Variants in HMG20B observed in about 807,000 individuals in gnomAD.
HMG20B encodes SWI/SNF-related matrix-associated actin-dependent regulator of chromatin subfamily E member 1-related.
In HMG20B, 24 loss-of-function variants were observed where a neutral mutation model predicts 41.6. The observed-to-expected ratio is 0.58, with a 90% confidence interval of 0.42 to 0.81. The LOEUF is 0.81. Among genes scored for constraint, HMG20B ranks in the 30% least tolerant of loss-of-function variants. The pLI is 0.00. For missense variants in HMG20B, 461 were observed against 444.0 expected (o/e 1.04, Z -0.34); for synonymous variants, 251 against 186.6 (o/e 1.34, Z -2.81).
rs960782813 is a variant in HMG20B, at chr19:3,578,699, C to A, written c.*178C>A. 4.2e-5 allele frequency: 37 copies of A among 870,892 alleles called. No homozygotes were observed. Among genetic ancestry groups the A allele is most frequent in the African/African-American group, 1.2e-4 (7 of 60,440 alleles). The allele number at this position is 870,892 out of a possible 1,614,324, so 53.9% of individuals were successfully genotyped here. A position where few individuals can be genotyped will look rare whatever the true frequency, so the allele number is the denominator to read the frequency against. On this transcript the variant is annotated 3_prime_UTR_variant, in exon 10 of 10. Transcript: ENST00000333651. ...GCATCCCTTTAGCTTTCAATCTCCC[C>A]AGCCCCCTGAACCCGGAAAAAGCAC...
In HMG20B at chr19:3,574,599, G is replaced by A. The variant is rs778379034; in HGVS notation, c.351+13G>A. On this transcript the variant is annotated intron_variant, in intron 4 of 9. Coordinates refer to ENST00000333651, the MANE Select transcript of HMG20B (RefSeq NM_006339.3). ...AACGGAAAAGCAGGTGGGCGGGGCG[G>A]GGCGCCGAGCAGGGCTGGCGGGGTC... The A allele has an allele frequency of 6.3e-7, 1 of 1,579,208 alleles. No individual in the cohort carries two copies. The highest frequency in any genetic ancestry group is 1.8e-5 in the Admixed American group (1 of 55,456).
rs755963930 is a variant in HMG20B, at chr19:3,578,125, G to GCGAGGCGGGGCGGGGCCGGGGTT, written c.941+14_941+36dup. 6.2e-7 allele frequency: 1 copy of GCGAGGCGGGGCGGGGCCGGGGTT among 1,608,078 alleles called. No individual in the cohort carries two copies. The highest frequency in any genetic ancestry group is 8.5e-7 in the Non-Finnish European group (1 of 1,178,188). ...GCCCAGGTCGCCAGGTGTGTGCCGGGCGAGGCGGGGCGGGGCCGGGGTTCA... is the reference window on the plus strand; with the variant it reads ...GCCCAGGTCGCCAGGTGTGTGCCGGGCGAGGCGGGGCGGGGCCGGGGTTCGAGGCGGGGCGGGGCCGGGGTTCA... On this transcript the variant is annotated intron_variant, in intron 9 of 9. Transcript: ENST00000333651.
At chr19:3,578,234 C>G (rs764218979) in intron 9 of HMG20B, 121 bp downstream of exon 9, 2 of 1,388,030 alleles carry the variant, frequency 1.4e-6, no homozygotes, top group Admixed American at 2.3e-5. Context: ...AGATCACCTC[C>G]CGGAGGGGCC....
At chr19:3,576,143 C>A in intron 5 of HMG20B, 118 bp from the exon 6 acceptor site, 1 of 846,800 alleles carries the variant, frequency 1.2e-6, no homozygotes, top group Non-Finnish European at 2.0e-6. Flanking sequence ...TGGGGGATGC[C>A]CAGACGCGGG....
At chr19:3,574,006 A>G (rs960007619) in intron 3 of HMG20B, 1 of 695,412 alleles carries the variant, frequency 1.4e-6, no homozygotes, top group African/African-American at 1.8e-5. Flanking sequence ...GCACAATGCC[A>G]GCTCTGCCCA....
In HMG20B at chr19:3,573,843, GC is replaced by G. The variant is rs1282045326; in HGVS notation, c.147+47del. 3 of 1,509,662 alleles carry G rather than the reference GC, an allele frequency of 2.0e-6. No homozygotes were observed. The East Asian group carries it at 7.1e-5, about 36-fold the overall frequency. The allele number at this position is 1,509,662 out of a possible 1,614,324, so 93.5% of individuals were successfully genotyped here. A position where few individuals can be genotyped will look rare whatever the true frequency, so the allele number is the denominator to read the frequency against. ...GAGCTGGGGGAGGCCCCGGGCTCCC[GC>G]CCCAGCCTCGAAGCCCCGCCCCAGG... On this transcript the variant is annotated intron_variant, in intron 3 of 9. Coordinates refer to ENST00000333651, the MANE Select transcript of HMG20B (RefSeq NM_006339.3).
chr19:3,576,570 C>T lies in HMG20B; in HGVS notation c.537C>T (p.Gly179=), dbSNP rs533910430. The T allele has an allele frequency of 3.1e-6, 5 of 1,613,476 alleles. No individual in the cohort carries two copies. The East Asian group carries it at 1.1e-4, about 36-fold the overall frequency. Residue 179 remains glycine (G), a synonymous_variant, in exon 7 of 10, where the codon GGC becomes GGT. Coordinates refer to ENST00000333651, the MANE Select transcript of HMG20B (RefSeq NM_006339.3). The part of the protein sequence containing the change: ...LNGHKGGDCD[G]FSTFDVPIFT... Reference sequence around the variant, plus strand: ...CGTCTTAGGGTGGGGACTGCGATGGCTTCTCCACCTTCGATGTTCCCATCT... The same window carrying T: ...CGTCTTAGGGTGGGGACTGCGATGGTTTCTCCACCTTCGATGTTCCCATCT...
chr19:3,577,547 C>T (rs1400741819), intron 8 of HMG20B, among the ~76,000 whole-genome samples: 5 of 144,296 alleles, frequency 3.5e-5, no homozygotes, highest in Non-Finnish European at 7.6e-5. Context: ...CCCCGACCAG[C>T]CTGAGCACTG....
intron 4 of HMG20B, among the ~76,000 whole-genome samples, chr19:3,575,299 T>C (rs1170770812): frequency 1.3e-5 from 2 of 152,096 alleles, no homozygotes; most frequent in African/African-American, 4.8e-5. Context: ...CCCATGACTC[T>C]GGCGTCCGGG....
At chr19:3,578,444 C>T (rs2145260103) in intron 9 of HMG20B, 65 bp from the exon 10 acceptor site, 1 of 1,461,844 alleles carries the variant, frequency 6.8e-7, no homozygotes, top group African/African-American at 1.4e-5. Context: ...CTGGGGTTCC[C>T]CAGGGCCGGG....
chr19:3,579,005 G>A lies in HMG20B; in HGVS notation c.*484G>A, dbSNP rs1274479317. 2.0e-5 allele frequency: 7 copies of A among 352,648 alleles called. No individual in the cohort carries two copies. The highest frequency in any genetic ancestry group is 3.9e-5 in the Non-Finnish European group (7 of 177,334). 21.8% of individuals were successfully genotyped at this position (352,648 alleles called of 1,614,324 possible). On this transcript the variant is annotated 3_prime_UTR_variant, in exon 10 of 10. Coordinates refer to ENST00000333651, the MANE Select transcript of HMG20B (RefSeq NM_006339.3). The surrounding 1 kb of genome is among the most constrained non-coding windows in gnomAD (Gnocchi z 7.4). ...GCCCATCCTGCTCTCCTCCAGCCGAGGGACCCTGGTGGGGGTGGCTCCTTC... is the reference window on the plus strand; with the variant it reads ...GCCCATCCTGCTCTCCTCCAGCCGAAGGACCCTGGTGGGGGTGGCTCCTTC...
At chr19:3,575,093 C>G (rs923340909) in intron 4 of HMG20B, among the ~76,000 whole-genome samples, 2 of 152,162 alleles carry the variant, frequency 1.3e-5, no homozygotes, top group African/African-American at 2.4e-5. Flanking sequence ...AAAGATATGT[C>G]TAAGAAGTCA....
In HMG20B at chr19:3,578,816, C is replaced by A; in HGVS notation, c.*295C>A. The A allele has an allele frequency of 1.4e-6, 1 of 699,006 alleles. No individual in the cohort carries two copies. Among genetic ancestry groups the A allele is most frequent in the East Asian group, 2.8e-5 (1 of 36,362 alleles). 43.3% of individuals were successfully genotyped at this position (699,006 alleles called of 1,614,324 possible). On this transcript the variant is annotated 3_prime_UTR_variant, in exon 10 of 10. Coordinates refer to ENST00000333651, the MANE Select transcript of HMG20B (RefSeq NM_006339.3). ...GCTACACTGGCTCTCCGGGCCACCC[C>A]CAGGACACAGGGCAGACGAAACCCA...
rs760352048 is a variant in HMG20B, at chr19:3,573,779, G to A, written c.126G>A (p.Glu42=). The change falls in exon 3 of 10, where the codon GAG becomes GAA. Residue 42 remains glutamate, a synonymous_variant. Transcript: ENST00000333651. ...GCGGCGAGGGTCCACGCGCGGGCGA[G>A]AAGGGGTCCCACGAGGAGGAGGTGA... ...QERGEGPRAG[E]KGSHEEEPVK... 7 of 1,579,380 alleles carry A rather than the reference G, an allele frequency of 4.4e-6. No homozygotes were observed. Among genetic ancestry groups the A allele is most frequent in the East Asian group, 2.3e-5 (1 of 43,086 alleles).
intron 6 of HMG20B, 89 bp from the exon 7 acceptor site, chr19:3,576,464 C>A: frequency 1.4e-6 from 2 of 1,388,894 alleles, no homozygotes; most frequent in Non-Finnish European, 2.0e-6. Context: ...CCGGGGTGTC[C>A]CAGGAGACCC....
chr19:3,573,659 G>T, intron 2 of HMG20B, 33 bp from the exon 3 acceptor site: 1 of 1,465,378 alleles, frequency 6.8e-7, no homozygotes. Context: ...GAGATTCTTG[G>T]GACGGGGCTG....
rs1017028851 is a variant in HMG20B, at chr19:3,577,064, G to T, written c.765G>T (p.Val255=). ...TLALQQQLQA[V]RQALTASFAS... ...CGCTGCAGCAGCAGCTCCAGGCCGT[G>T]CGCCAGGCGCTCACCGCCAGCTTCG... The change falls in exon 8 of 10, where the codon GTG becomes GTT. Residue 255 remains valine (V), a synonymous_variant. Coordinates refer to ENST00000333651, the MANE Select transcript of HMG20B (RefSeq NM_006339.3). The T allele has an allele frequency of 5.2e-6, 8 of 1,543,260 alleles. No individual in the cohort carries two copies. In the African/African-American group the frequency reaches 1.1e-4, roughly 21 times the overall value.
Position 3,578,734 on chromosome 19 carries a change from G to A in HMG20B, c.*213G>A, listed in dbSNP as rs774795570. Reference sequence around the variant, plus strand: ...AACCCGGAAAAAGCACTCGCTGCGCGATACACCCAGAAGAACCTCACAGCC... The same window carrying A: ...AACCCGGAAAAAGCACTCGCTGCGCAATACACCCAGAAGAACCTCACAGCC... On this transcript the variant is annotated 3_prime_UTR_variant, in exon 10 of 10. Coordinates refer to ENST00000333651, the MANE Select transcript of HMG20B (RefSeq NM_006339.3). 67 of 773,772 alleles carry A rather than the reference G, an allele frequency of 8.7e-5. 2 individuals are homozygous for A. The South Asian group carries it at 9.2e-4, about 11-fold the overall frequency. 47.9% of individuals were successfully genotyped at this position (773,772 alleles called of 1,614,324 possible). A position where few individuals can be genotyped will look rare whatever the true frequency, so the allele number is the denominator to read the frequency against.
chr19:3,573,446 TC>T, intron 2 of HMG20B, 99 bp downstream of exon 2: 1 of 1,280,824 alleles, frequency 7.8e-7, no homozygotes, highest in Non-Finnish European at 1.0e-6. Context: ...GAGTCTTGAC[TC>T]CCCCACCTGG....
Sources: gnomAD v4.1 joint callset for allele counts (sites outside exome capture counted in the v4.1 genomes callset) on GRCh38, gnomAD v4.1.1 for gene constraint, Gnocchi (gnomAD v3.1) non-coding constraint, MANE v1.5 for transcripts, NCBI Gene and HGNC (gene_info 2026-07-23, HGNC 2026-07-21) for gene names.